The following SLC9C1 variants were observed in gnomAD, a reference collection of about 807,000 sequenced individuals.
SLC9C1 encodes the protein solute carrier family 9 member C1.
SLC9C1 carries 97 observed loss-of-function variants against 140.9 expected under a neutral mutation model. The observed-to-expected ratio is 0.69, with a 90% CI of 0.58 to 0.82. The LOEUF is 0.82. SLC9C1 is among the 40% of genes least tolerant of loss of function. The pLI is 0.00. For missense variants in SLC9C1, 1,340 were observed against 1,389.3 expected (o/e 0.96, Z 0.56); for synonymous variants, 440 against 442.6 (o/e 0.99, Z 0.07).
intron 4 of SLC9C1, among the ~76,000 whole-genome samples, chr3:112,278,150 G>C (rs909421242): frequency 6.6e-6 from 1 of 152,084 alleles, no homozygotes; most frequent in African/African-American, 2.4e-5. Context: ...CAAATTATTT[G>C]CTTCTAATGC....
intron 26 of SLC9C1, among the ~76,000 whole-genome samples, chr3:112,157,180 G>C (rs2075149327): frequency 6.6e-6 from 1 of 151,742 alleles, no homozygotes; most frequent in Non-Finnish European, 1.5e-5. Context: ...AATCCATTTT[G>C]AGTTGTTTTT....
At chr3:112,208,095 T>C in intron 16 of SLC9C1, 83 bp downstream of exon 16, 1 of 1,094,876 alleles carries the variant, frequency 9.1e-7, no homozygotes, top group Non-Finnish European at 1.3e-6. Context: ...GAAAATTGTC[T>C]GTTGCTGGTG....
chr3:112,205,750 G>A (rs963671308), intron 16 of SLC9C1, among the ~76,000 whole-genome samples: 6 of 141,808 alleles, frequency 4.2e-5, no homozygotes, highest in African/African-American at 1.6e-4. Context: ...CAAGCAATGG[G>A]GAAAGGATTC....
Position 112,226,737 on chromosome 3 carries a change from A to C in SLC9C1, c.1572+4624T>G, listed in dbSNP as rs2078693511. Among the ~76,000 whole-genome samples, 3 of 151,886 alleles carry C rather than the reference A, an allele frequency of 2.0e-5. No individual in the cohort carries two copies. The South Asian group carries it at 6.2e-4, about 32-fold the overall frequency. On this transcript the variant is annotated intron_variant, in intron 13 of 28. Transcript: ENST00000305815. ...ACTCCATCCCCCCCCATCCCCCCAC[A>C]CACAAAAGTTCAAAAAACAACTTAA...
At chr3:112,215,349 T>G (rs1210168926) in intron 15 of SLC9C1, among the ~76,000 whole-genome samples, 3 of 152,286 alleles carry the variant, frequency 2.0e-5, no homozygotes, top group Admixed American at 6.5e-5. Context: ...GTGTTGGAAG[T>G]TCTGGCCAGG....
chr3:112,174,047 A>G (rs2077292575), intron 23 of SLC9C1, among the ~76,000 whole-genome samples: 1 of 152,148 alleles, frequency 6.6e-6, no homozygotes, highest in African/African-American at 2.4e-5. Context: ...TGATCGTCAG[A>G]ATTTTTTCAT....
At chr3:112,164,086 G>T (rs1312217428) in intron 26 of SLC9C1, among the ~76,000 whole-genome samples, 2 of 151,908 alleles carry the variant, frequency 1.3e-5, no homozygotes, top group Non-Finnish European at 2.9e-5. Flanking sequence ...CAGAGACTAG[G>T]ATTGCAACCC....
At chr3:112,178,949 C>G (rs2077389649) in intron 23 of SLC9C1, among the ~76,000 whole-genome samples, 1 of 152,126 alleles carries the variant, frequency 6.6e-6, no homozygotes, top group Admixed American at 6.5e-5. Context: ...ACTTCTTTCT[C>G]TTAAAAAATC....
At chr3:112,265,833 C>G (rs13092810) in intron 8 of SLC9C1, among the ~76,000 whole-genome samples, 45,007 of 151,910 alleles carry the variant, frequency 0.3, 7,226 homozygotes, top group East Asian at 0.43. Flanking sequence ...TTAAAATACT[C>G]ATCTTTAGAT....
intron 26 of SLC9C1, among the ~76,000 whole-genome samples, chr3:112,161,277 A>G (rs2075290296): frequency 6.6e-6 from 1 of 152,158 alleles, no homozygotes; most frequent in African/African-American, 2.4e-5. Context: ...TAGTTTAATT[A>G]GATCCCATTT....
At chr3:112,149,167 G>A (rs980104819) in intron 28 of SLC9C1, among the ~76,000 whole-genome samples, 3 of 152,148 alleles carry the variant, frequency 2.0e-5, no homozygotes, top group Admixed American at 2.0e-4. Context: ...AGGAAGTGGG[G>A]GGAGCAGTTG....
At chr3:112,198,279 A>G (rs1051908439) in intron 20 of SLC9C1, among the ~76,000 whole-genome samples, 6 of 151,942 alleles carry the variant, frequency 3.9e-5, no homozygotes, top group African/African-American at 1.4e-4. Flanking sequence ...TTTATATATT[A>G]CTTTTATTTC....
At chr3:112,141,639 T>C (rs1201768298) in intron 28 of SLC9C1, among the ~76,000 whole-genome samples, 2 of 152,164 alleles carry the variant, frequency 1.3e-5, no homozygotes, top group African/African-American at 4.8e-5. Context: ...AAAACCCCCT[T>C]CATCAAACCA....
chr3:112,216,994 T>A (rs9823928), intron 15 of SLC9C1, among the ~76,000 whole-genome samples: 1 of 152,058 alleles, frequency 6.6e-6, no homozygotes, highest in African/African-American at 2.4e-5. Context: ...AGAAAATATG[T>A]CACATATACA....
At chr3:112,176,538 T>C (rs561605738) in intron 23 of SLC9C1, among the ~76,000 whole-genome samples, 1 of 152,376 alleles carries the variant, frequency 6.6e-6, no homozygotes, top group Admixed American at 6.5e-5. Context: ...TTTTACCGAA[T>C]GCTTTACTCC....
intron 13 of SLC9C1, among the ~76,000 whole-genome samples, chr3:112,225,438 T>A (rs1488686257): frequency 6.6e-6 from 1 of 151,720 alleles, no homozygotes; most frequent in Non-Finnish European, 1.5e-5. Flanking sequence ...AACCCAATGG[T>A]AGAGCAGATA....
At chr3:112,256,883 A>T (rs1434069112) in intron 10 of SLC9C1, among the ~76,000 whole-genome samples, 1 of 152,142 alleles carries the variant, frequency 6.6e-6, no homozygotes, top group Non-Finnish European at 1.5e-5. Context: ...CAAAATCATC[A>T]TACAAAATTC....
intron 20 of SLC9C1, among the ~76,000 whole-genome samples, chr3:112,190,525 C>T (rs907740124): frequency 6.6e-6 from 1 of 152,074 alleles, no homozygotes; most frequent in Non-Finnish European, 1.5e-5. Context: ...AGTCTATTTT[C>T]TCATAACCTA....
intron 12 of SLC9C1, among the ~76,000 whole-genome samples, chr3:112,237,163 T>C (rs1185954948): frequency 6.6e-6 from 1 of 152,196 alleles, no homozygotes; most frequent in African/African-American, 2.4e-5. Context: ...ATTGGGTGCA[T>C]ATATATTTAG....
Sources: gnomAD v4.1 joint callset for allele counts (sites outside exome capture counted in the v4.1 genomes callset) on GRCh38, gnomAD v4.1.1 for gene constraint, MANE v1.5 for transcripts, NCBI Gene and HGNC (gene_info 2026-07-23, HGNC 2026-07-21) for gene names.